The following ZDHHC21 variants were observed in gnomAD, a reference collection of about 807,000 sequenced individuals.
ZDHHC21 encodes the protein palmitoyltransferase ZDHHC21.
Under a neutral mutation model 34.6 loss-of-function variants are expected in ZDHHC21, and 15 were observed. That is an observed-to-expected ratio of 0.43 (90% confidence interval 0.29 to 0.67). The LOEUF (loss-of-function observed/expected upper bound fraction) is 0.67, where lower values mean the gene tolerates loss of function less well. ZDHHC21 is among the 30% of genes least tolerant of loss of function. The pLI, the probability that ZDHHC21 is intolerant of heterozygous loss-of-function variation, is 0.14. For missense variants in ZDHHC21, 344 were observed against 327.7 expected (o/e 1.05, Z -0.38); for synonymous variants, 142 against 101.8 (o/e 1.40, Z -2.38).
At chr9:14,627,856 C>A (rs1030881716) in intron 8 of ZDHHC21, among the ~76,000 whole-genome samples, 7 of 152,114 alleles carry the variant, frequency 4.6e-5, no homozygotes, top group African/African-American at 1.7e-4. Context: ...TATGTGTGAA[C>A]TACTGCTCAA....
chr9:14,609,480 G>A (rs187600777), downstream of ZDHHC21, among the ~76,000 whole-genome samples: 131 of 152,232 alleles, frequency 8.6e-4, 1 homozygote, highest in African/African-American at 3.1e-3. Flanking sequence ...CTGACAGTAT[G>A]TGGTTGCCAA....
At chr9:14,623,087 G>C (rs1825580400) in intron 8 of ZDHHC21, among the ~76,000 whole-genome samples, 2 of 151,072 alleles carry the variant, frequency 1.3e-5, no homozygotes, top group South Asian at 4.2e-4. Context: ...AGAAAACATA[G>C]AGGAAATGCT....
intron 7 of ZDHHC21, among the ~76,000 whole-genome samples, chr9:14,649,888 C>G (rs1830918968): frequency 1.3e-5 from 2 of 151,980 alleles, no homozygotes; most frequent in African/African-American, 2.4e-5. Flanking sequence ...ACTACATTCA[C>G]CAATTAATGC....
At chr9:14,657,007 G>C (rs73644820) in intron 7 of ZDHHC21, among the ~76,000 whole-genome samples, 1 of 151,372 alleles carries the variant, frequency 6.6e-6, no homozygotes, top group Non-Finnish European at 1.5e-5. Context: ...CATATATGTC[G>C]TATATTCAAA....
the ZDHHC21 span, among the ~76,000 whole-genome samples, chr9:14,597,240 C>T: frequency 1.3e-5 from 2 of 152,088 alleles, no homozygotes; most frequent in Non-Finnish European, 2.9e-5. Flanking sequence ...TCCCTAGGGC[C>T]CAACACCCTC....
At chr9:14,652,288 C>T (rs940615295) in intron 7 of ZDHHC21, among the ~76,000 whole-genome samples, 4 of 151,586 alleles carry the variant, frequency 2.6e-5, no homozygotes, top group African/African-American at 9.7e-5. Flanking sequence ...GTTCACAGGC[C>T]TTTTTTTAGT....
Position 14,617,709 on chromosome 9 carries a change from G to A in ZDHHC21, c.*1257C>T, listed in dbSNP as rs532335006. On this transcript the variant is annotated 3_prime_UTR_variant, in exon 10 of 10. Transcript: ENST00000380916. Reference sequence around the variant, plus strand: ...TTTTCATACAAATGTTCTATGCCTTGCAAAAGAACATCACTATTAGTAATT... The same window carrying A: ...TTTTCATACAAATGTTCTATGCCTTACAAAAGAACATCACTATTAGTAATT... 1 of 151,804 alleles carries A rather than the reference G, an allele frequency of 6.6e-6. No homozygotes were observed. The highest frequency in any genetic ancestry group is 6.6e-5 in the Admixed American group (1 of 15,226). 9.4% of individuals were successfully genotyped at this position (151,804 alleles called of 1,614,324 possible).
chr9:14,693,389 G>C lies in ZDHHC21; in HGVS notation c.-385C>G, dbSNP rs1463651818. On this transcript the variant is annotated 5_prime_UTR_variant, in exon 1 of 10. Coordinates refer to ENST00000380916, the MANE Select transcript of ZDHHC21 (RefSeq NM_178566.6). ...GAGCCTGAGGGCCTGGACCGGCCGA[G>C]TGGGTGTCCGCATGCCCGCGCGCCC... 8.9e-6 allele frequency: 3 copies of C among 336,174 alleles called. No homozygotes were observed. Among genetic ancestry groups the C allele is most frequent in the Non-Finnish European group, 1.7e-5 (3 of 174,370 alleles). The allele number at this position is 336,174 out of a possible 1,614,324, so 20.8% of individuals were successfully genotyped here. A position where few individuals can be genotyped will look rare whatever the true frequency, so the allele number is the denominator to read the frequency against.
chr9:14,595,542 G>A, the ZDHHC21 span, among the ~76,000 whole-genome samples: 1 of 152,176 alleles, frequency 6.6e-6, no homozygotes. Flanking sequence ...CTGAATTTTG[G>A]TGAAGGTTGT....
chr9:14,624,242 T>C (rs532204033), intron 8 of ZDHHC21, among the ~76,000 whole-genome samples: 27 of 152,282 alleles, frequency 1.8e-4, no homozygotes, highest in African/African-American at 6.5e-4. Flanking sequence ...ATTCAAATAC[T>C]ACACCATTTT....
intron 7 of ZDHHC21, among the ~76,000 whole-genome samples, chr9:14,644,837 C>CATAT (rs141594416): frequency 8.5e-4 from 128 of 150,350 alleles, no homozygotes; most frequent in African/African-American, 3.0e-3. Flanking sequence ...CACACACACA[C>CATAT]ATATATATAT....
chr9:14,672,820 AG>A lies in ZDHHC21; in HGVS notation c.253+9del. The A allele has an allele frequency of 6.3e-7, 1 of 1,585,272 alleles. No homozygotes were observed. The highest frequency in any genetic ancestry group is 8.6e-7 in the Non-Finnish European group (1 of 1,160,872). The stretch of plus-strand genomic sequence containing the variant: ...GCATCAGCAAAACTGATAAATCCAG[AG>A]TACCATACCTCCATGTGGGATCTTG... On this transcript the variant is annotated intron_variant, in intron 5 of 9. Transcript: ENST00000380916.
At chr9:14,596,970 A>C in the ZDHHC21 span, among the ~76,000 whole-genome samples, 1 of 152,152 alleles carries the variant, frequency 6.6e-6, no homozygotes. Flanking sequence ...CAAAGCCAGG[A>C]GAAACTTTCC....
intron 4 of ZDHHC21, among the ~76,000 whole-genome samples, chr9:14,673,312 TTAAC>T (rs1245926491): frequency 4.6e-5 from 7 of 152,056 alleles, no homozygotes; most frequent in African/African-American, 9.7e-5. Flanking sequence ...AACTTTTTCA[TTAAC>T]TAACTGGGTA....
chr9:14,616,550 A>G lies in ZDHHC21; in HGVS notation c.*2416T>C, dbSNP rs1385495888. The G allele has an allele frequency of 2.6e-5, 4 of 151,744 alleles. No homozygotes were observed. Among genetic ancestry groups the G allele is most frequent in the African/African-American group, 4.8e-5 (2 of 41,400 alleles). The allele number at this position is 151,744 out of a possible 1,614,324, so 9.4% of individuals were successfully genotyped here. A position where few individuals can be genotyped will look rare whatever the true frequency, so the allele number is the denominator to read the frequency against. On this transcript the variant is annotated 3_prime_UTR_variant, in exon 10 of 10. Transcript: ENST00000380916. ...GCAGTAAATCTTTAGAGCCAGTATA[A>G]TTACATCAATTAGCCAAAAGAGGGC...
At chr9:14,672,594 G>A (rs772223253) in intron 5 of ZDHHC21, among the ~76,000 whole-genome samples, 22 of 152,110 alleles carry the variant, frequency 1.4e-4, no homozygotes, top group Middle Eastern at 3.4e-3. Context: ...TTACCATGAG[G>A]ATCATATGAT....
At chr9:14,596,649 C>T in the ZDHHC21 span, among the ~76,000 whole-genome samples, 1 of 152,148 alleles carries the variant, frequency 6.6e-6, no homozygotes, top group African/African-American at 2.4e-5. Flanking sequence ...GGAAGACTTC[C>T]TTTGTCTATT....
chr9:14,594,869 A>C, the ZDHHC21 span, among the ~76,000 whole-genome samples: 21 of 152,330 alleles, frequency 1.4e-4, no homozygotes, highest in African/African-American at 4.6e-4. Context: ...AAAATTTTGA[A>C]TAGACAGTTT....
At chr9:14,598,675 G>A in the ZDHHC21 span, among the ~76,000 whole-genome samples, 22 of 152,184 alleles carry the variant, frequency 1.4e-4, no homozygotes, top group South Asian at 3.1e-3. Flanking sequence ...TGAAATATAA[G>A]AGAACACAAT....
Sources: allele counts gnomAD v4.1 joint callset (sites outside exome capture counted in the v4.1 genomes callset), GRCh38; gene constraint gnomAD v4.1.1; transcripts MANE v1.5; gene names NCBI Gene and HGNC (gene_info 2026-07-23, HGNC 2026-07-21).